ATOSA: variants seen among roughly 807,000 people sequenced by gnomAD.
The protein encoded by ATOSA is atos homolog protein A.
the ATOSA span, among the ~76,000 whole-genome samples, chr15:52,697,957 ATTTTTTTTTTTTTTT>A: frequency 4.5e-3 from 200 of 44,812 alleles, no homozygotes; most frequent in African/African-American, 0.016. Flanking sequence ...GGGATGTAGA[ATTTTTTTTTTTTTTT>A]TTTTTTTTTT....
the ATOSA span, chr15:52,608,733 G>C: frequency 6.2e-7 from 1 of 1,611,210 alleles, no homozygotes; most frequent in Non-Finnish European, 8.5e-7. Flanking sequence ...TATCTTTATT[G>C]AGATAATTCT....
the ATOSA span, among the ~76,000 whole-genome samples, chr15:52,610,750 G>A: frequency 6.6e-6 from 1 of 152,126 alleles, no homozygotes; most frequent in African/African-American, 2.4e-5. Flanking sequence ...CTATCTCATG[G>A]CCATCTGCCT....
At chr15:52,600,499 C>G in the ATOSA span, among the ~76,000 whole-genome samples, 2 of 152,010 alleles carry the variant, frequency 1.3e-5, no homozygotes, top group African/African-American at 4.8e-5. Context: ...CTCAAACTAC[C>G]ATAATAAATT....
At chr15:52,708,529 G>T in the ATOSA span, among the ~76,000 whole-genome samples, 1 of 152,112 alleles carries the variant, frequency 6.6e-6, no homozygotes, top group African/African-American at 2.4e-5. Flanking sequence ...CTGAATTAAG[G>T]CACTCTCTAT....
chr15:52,674,792 T>C, the ATOSA span, among the ~76,000 whole-genome samples: 1 of 151,712 alleles, frequency 6.6e-6, no homozygotes, highest in Non-Finnish European at 1.5e-5. Flanking sequence ...GACCAATATA[T>C]AAGCATTTGT....
chr15:52,609,719 G>C, the ATOSA span: 4 of 1,613,508 alleles, frequency 2.5e-6, no homozygotes, highest in Admixed American at 1.7e-5. Flanking sequence ...CTAGACTCTT[G>C]AGTATTAAAT....
the ATOSA span, among the ~76,000 whole-genome samples, chr15:52,700,979 A>G: frequency 6.6e-6 from 1 of 152,224 alleles, no homozygotes; most frequent in Non-Finnish European, 1.5e-5. Flanking sequence ...CTGGAGCTAG[A>G]CAGGTTGATA....
chr15:52,637,007 C>G, the ATOSA span, among the ~76,000 whole-genome samples: 1 of 152,052 alleles, frequency 6.6e-6, no homozygotes, highest in South Asian at 2.1e-4. Flanking sequence ...GAAATGGTAC[C>G]TTGAATTCCT....
the ATOSA span, among the ~76,000 whole-genome samples, chr15:52,685,416 GTT>G: frequency 1.9e-4 from 28 of 147,904 alleles, no homozygotes; most frequent in East Asian, 3.9e-4. Flanking sequence ...ATTCAGTAGA[GTT>G]TTTTTTTTTT....
At chr15:52,628,328 T>A in the ATOSA span, among the ~76,000 whole-genome samples, 1 of 152,206 alleles carries the variant, frequency 6.6e-6, no homozygotes, top group African/African-American at 2.4e-5. Context: ...TCCAAGTATT[T>A]CTAGATAAAA....
the ATOSA span, among the ~76,000 whole-genome samples, chr15:52,676,187 T>G: frequency 1.3e-5 from 2 of 152,176 alleles, no homozygotes; most frequent in African/African-American, 2.4e-5. Flanking sequence ...TTTTGACGTT[T>G]AAAAAGTTTC....
At chr15:52,609,880 C>A in the ATOSA span, 3 of 1,613,364 alleles carry the variant, frequency 1.9e-6, no homozygotes, top group South Asian at 1.1e-5. Flanking sequence ...GTTAGAGATA[C>A]TGGAATCAAC....
chr15:52,672,350 T>A, the ATOSA span, among the ~76,000 whole-genome samples: 1 of 151,658 alleles, frequency 6.6e-6, no homozygotes, highest in Non-Finnish European at 1.5e-5. Flanking sequence ...CCCCATCCCA[T>A]GAAAAAGAAA....
At chr15:52,662,804 TATTG>T in the ATOSA span, among the ~76,000 whole-genome samples, 1 of 150,672 alleles carries the variant, frequency 6.6e-6, no homozygotes. Flanking sequence ...GTATTATTAG[TATTG>T]TGTACCATGT....
chr15:52,609,230 T>C, the ATOSA span: 1 of 1,611,952 alleles, frequency 6.2e-7, no homozygotes, highest in Non-Finnish European at 8.5e-7. Flanking sequence ...AAACATTTAT[T>C]AGGTACTAAG....
At chr15:52,703,235 T>C in the ATOSA span, among the ~76,000 whole-genome samples, 1 of 152,138 alleles carries the variant, frequency 6.6e-6, no homozygotes, top group Non-Finnish European at 1.5e-5. Context: ...CAGTGTTTCC[T>C]TGGGCACAGG....
chr15:52,589,218 C>G, the ATOSA span, among the ~76,000 whole-genome samples: 480 of 152,316 alleles, frequency 3.2e-3, no homozygotes, highest in Non-Finnish European at 4.7e-3. Context: ...ATCTGCCCTA[C>G]GTGCCTAATG....
the ATOSA span, chr15:52,678,047 T>A: frequency 1.2e-6 from 2 of 1,613,972 alleles, no homozygotes; most frequent in South Asian, 2.2e-5. Flanking sequence ...TCGCCCAGAG[T>A]GCTGTGAAAT....
At chr15:52,672,343 C>T in the ATOSA span, among the ~76,000 whole-genome samples, 41 of 151,920 alleles carry the variant, frequency 2.7e-4, no homozygotes, top group African/African-American at 9.7e-4. Context: ...AGTAAGACCC[C>T]ATCCCATGAA....
Sources: gnomAD v4.1 joint callset for allele counts (sites outside exome capture counted in the v4.1 genomes callset) on GRCh38, gnomAD v4.1.1 for gene constraint, MANE v1.5 for transcripts, NCBI Gene and HGNC (gene_info 2026-07-23, HGNC 2026-07-21) for gene names.